The following PTPRD variants were observed in gnomAD, a reference collection of about 807,000 sequenced individuals.
PTPRD encodes receptor-type tyrosine-protein phosphatase delta.
PTPRD carries 34 observed loss-of-function variants against 214.5 expected under a neutral mutation model. The ratio of observed to expected loss-of-function variants is 0.16; its 90% CI spans 0.12 to 0.21. The LOEUF (loss-of-function observed/expected upper bound fraction) is 0.21, where lower values mean the gene tolerates loss of function less well. PTPRD is among the 10% of genes least tolerant of loss of function. The pLI is 1.00. For synonymous variants in PTPRD, 1,128 were observed against 845.7 expected (o/e 1.33, Z -5.79); for missense variants, 2,545 against 2,398.7 (o/e 1.06, Z -1.27).
At chr9:10,385,838 T>C (rs1437560796) in intron 2 of PTPRD, among the ~76,000 whole-genome samples, 2 of 148,586 alleles carry the variant, frequency 1.3e-5, no homozygotes, top group African/African-American at 4.8e-5. Context: ...ATGTAAATAC[T>C]AAATTCTTTT....
intron 4 of PTPRD, among the ~76,000 whole-genome samples, chr9:9,985,008 T>C (rs1048362471): frequency 1.3e-5 from 2 of 152,196 alleles, no homozygotes; most frequent in African/African-American, 4.8e-5. Context: ...AGGAATTTCA[T>C]TATCACACAG....
intron 12 of PTPRD, among the ~76,000 whole-genome samples, chr9:8,709,758 T>C (rs2154403197): frequency 6.6e-6 from 1 of 151,848 alleles, no homozygotes; most frequent in South Asian, 2.1e-4. Context: ...AATGGAAGAG[T>C]CAGTCTACAT....
chr9:10,427,699 G>C (rs1464529857), intron 2 of PTPRD, among the ~76,000 whole-genome samples: 2 of 152,038 alleles, frequency 1.3e-5, no homozygotes, highest in Admixed American at 6.6e-5. Flanking sequence ...TCAATGGAAA[G>C]CTTCCCTTGG....
At chr9:10,458,972 C>A (rs2098937846) in intron 2 of PTPRD, among the ~76,000 whole-genome samples, 1 of 152,034 alleles carries the variant, frequency 6.6e-6, no homozygotes, top group Non-Finnish European at 1.5e-5. Flanking sequence ...CATAGTTACA[C>A]ACGTTCCGTG....
intron 5 of PTPRD, among the ~76,000 whole-genome samples, chr9:9,843,093 G>T (rs2058713272): frequency 6.6e-6 from 1 of 152,032 alleles, no homozygotes; most frequent in Non-Finnish European, 1.5e-5. Flanking sequence ...TTCCATAAAG[G>T]ATTTTGGGCT....
At chr9:9,199,465 G>A (rs767490436) in intron 9 of PTPRD, among the ~76,000 whole-genome samples, 1 of 152,246 alleles carries the variant, frequency 6.6e-6, no homozygotes, top group Non-Finnish European at 1.5e-5. Flanking sequence ...TCTACTGGTA[G>A]AATTCACATG....
At chr9:9,262,330 T>C (rs767981519) in intron 9 of PTPRD, among the ~76,000 whole-genome samples, 16 of 150,640 alleles carry the variant, frequency 1.1e-4, no homozygotes, top group Non-Finnish European at 1.9e-4. Flanking sequence ...TCTGGTATGC[T>C]AAAAATAGTA....
At chr9:10,559,883 G>C (rs561743619) in intron 2 of PTPRD, among the ~76,000 whole-genome samples, 1 of 152,026 alleles carries the variant, frequency 6.6e-6, no homozygotes, top group African/African-American at 2.4e-5. Context: ...CAGTTAGAAT[G>C]GCAATCATTA....
intron 44 of PTPRD, among the ~76,000 whole-genome samples, chr9:8,328,809 T>A (rs1836672695): frequency 6.6e-6 from 1 of 152,126 alleles, no homozygotes; most frequent in Non-Finnish European, 1.5e-5. Flanking sequence ...TTCTTCCACT[T>A]GATTGATTTG....
chr9:8,492,945 G>A lies in PTPRD; in HGVS notation c.2384C>T (p.Ser795Phe), dbSNP rs759831182. The A allele has an allele frequency of 2.5e-6, 4 of 1,613,618 alleles. No homozygotes were observed. The highest frequency in any genetic ancestry group is 1.3e-5 in the African/African-American group (1 of 74,886). The change falls in exon 27 of 46, where the codon TCC becomes TTC. Residue 795 changes from serine to phenylalanine, a missense_variant. Ser to Phe is a radical substitution (Grantham distance 155). Coordinates refer to ENST00000381196, the MANE Select transcript of PTPRD (RefSeq NM_002839.4). ...MIISGLQPET[S>F]YSLTVTAYTT... ...GTAGGCTGTGACGGTGAGGGAGTAGGAAGTTTCAGGCTGGAGCCCAGAAAT... is the reference window on the plus strand; with the variant it reads ...GTAGGCTGTGACGGTGAGGGAGTAGAAAGTTTCAGGCTGGAGCCCAGAAAT...
intron 2 of PTPRD, among the ~76,000 whole-genome samples, chr9:10,606,271 A>G (rs1438985241): frequency 1.3e-5 from 2 of 151,860 alleles, no homozygotes; most frequent in African/African-American, 4.8e-5. Context: ...TGGGTGAAGA[A>G]TAAGAAATGA....
chr9:10,386,571 G>A (rs544550049), intron 2 of PTPRD, among the ~76,000 whole-genome samples: 21 of 151,874 alleles, frequency 1.4e-4, no homozygotes, highest in African/African-American at 4.1e-4. Flanking sequence ...GTCTCTGGTT[G>A]AACCTGAATT....
intron 11 of PTPRD, among the ~76,000 whole-genome samples, chr9:8,740,086 GATTTC>G (rs2091531469): frequency 6.6e-6 from 1 of 151,994 alleles, no homozygotes; most frequent in African/African-American, 2.4e-5. Context: ...CCAAATAAAA[GATTTC>G]ATTTTTTTTA....
rs996845452 is a variant in PTPRD, at chr9:10,085,296, G to A, written c.-544-51506C>T. ...CTACATCAGTGGGGCCAAGATAACC[G>A]ATTATTTTTAAGTTCCTGATTAACA... On this transcript the variant is annotated intron_variant, in intron 3 of 45. Transcript: ENST00000381196. Among the ~76,000 whole-genome samples the A allele has an allele frequency of 5.9e-5, 9 of 151,774 alleles. No homozygotes were observed. The Admixed American group carries it at 5.9e-4, about 10-fold the overall frequency.
rs147157716 is a variant in PTPRD, at chr9:10,448,662, T to G, written c.-599-107645A>C. ...TAAAATGAAAATTACTTTTTTCCTA[T>G]TTTACATCTGAGGATATTAGAGCTA... On this transcript the variant is annotated intron_variant, in intron 2 of 45. Transcript: ENST00000381196. 1.1e-4 allele frequency among the ~76,000 whole-genome samples: 16 copies of G among 152,124 alleles called. No homozygotes were observed. In the East Asian group the frequency reaches 3.1e-3, roughly 29 times the overall value.
intron 3 of PTPRD, among the ~76,000 whole-genome samples, chr9:10,126,946 C>CTTTTTTTTTTTT (rs34691762): frequency 0.011 from 1,430 of 130,192 alleles, 88 homozygotes; most frequent in African/African-American, 0.042. Context: ...CTCAAATGGA[C>CTTTTTTTTTTTT]TTTTTTTTTT....
chr9:10,174,883 C>T (rs1387271174), intron 3 of PTPRD, among the ~76,000 whole-genome samples: 1 of 152,096 alleles, frequency 6.6e-6, no homozygotes, highest in African/African-American at 2.4e-5. Context: ...GACATTGTTA[C>T]AGCTTTTCTC....
At chr9:10,234,260 C>A (rs1370862946) in intron 3 of PTPRD, among the ~76,000 whole-genome samples, 2 of 151,676 alleles carry the variant, frequency 1.3e-5, no homozygotes, top group African/African-American at 2.4e-5. Flanking sequence ...AGATCCCCTT[C>A]AATCTTAAAA....
intron 12 of PTPRD, among the ~76,000 whole-genome samples, chr9:8,696,880 C>T (rs542829361): frequency 2.6e-5 from 4 of 152,268 alleles, no homozygotes; most frequent in South Asian, 2.1e-4. Flanking sequence ...CCAGAATTGT[C>T]GACAAACATC....
Sources: allele counts gnomAD v4.1 joint callset (sites outside exome capture counted in the v4.1 genomes callset), GRCh38; gene constraint gnomAD v4.1.1; transcripts MANE v1.5; gene names NCBI Gene and HGNC (gene_info 2026-07-23, HGNC 2026-07-21).